The following INO80 variants were observed in gnomAD, a reference collection of about 807,000 sequenced individuals.
INO80 encodes chromatin-remodeling ATPase INO80.
Under a neutral mutation model 203.4 loss-of-function variants are expected in INO80, and 20 were observed. That is an observed-to-expected ratio of 0.10 (90% CI 0.07 to 0.14). The LOEUF (loss-of-function observed/expected upper bound fraction) is 0.14, where lower values mean the gene tolerates loss of function less well. INO80 is among the 10% of genes least tolerant of loss of function. The probability of loss-of-function intolerance (pLI) is 1.00; values close to 1 mark genes in which losing one functional copy is unlikely to be tolerated. For missense variants in INO80, 1,419 were observed against 1,914.4 expected (o/e 0.74, Z 4.83); for synonymous variants, 726 against 685.2 (o/e 1.06, Z -0.93).
chr15:41,035,807 G>A (rs554073274), intron 24 of INO80, among the ~76,000 whole-genome samples: 26 of 107,546 alleles, frequency 2.4e-4, no homozygotes, highest in Non-Finnish European at 3.9e-4. Flanking sequence ...GGGGGACAGA[G>A]TGAGACTCTG....
intron 14 of INO80, among the ~76,000 whole-genome samples, chr15:41,069,023 C>G (rs2045268916): frequency 6.6e-6 from 1 of 152,182 alleles, no homozygotes. Context: ...TCTACCGTGG[C>G]AGTTTGACCA....
At chr15:40,993,056 A>C (rs1340912599) in intron 29 of INO80, among the ~76,000 whole-genome samples, 2 of 152,172 alleles carry the variant, frequency 1.3e-5, no homozygotes, top group Admixed American at 1.3e-4. Flanking sequence ...CGGCCTCCCA[A>C]ACTGCAGGGA....
rs981784685 is a variant in INO80, at chr15:40,984,129, G to GT, written c.4077+67dup. The GT allele has an allele frequency of 4.6e-6, 7 of 1,529,024 alleles. No homozygotes were observed. The African/African-American group carries it at 6.9e-5, about 15-fold the overall frequency. The allele number at this position is 1,529,024 out of a possible 1,614,324, so 94.7% of individuals were successfully genotyped here. A position where few individuals can be genotyped will look rare whatever the true frequency, so the allele number is the denominator to read the frequency against. On this transcript the variant is annotated intron_variant, in intron 33 of 35. Transcript: ENST00000648947. ...CAGGAGAAGCAAAGACTGCCCAGCA[G>GT]TGTGTCCCTGCTACACGGTCAGGAC...
intron 1 of INO80, among the ~76,000 whole-genome samples, chr15:41,105,497 G>A (rs1187008303): frequency 2.0e-5 from 3 of 152,028 alleles, no homozygotes; most frequent in East Asian, 1.9e-4. Flanking sequence ...TAACTAACTC[G>A]CCCAAGATCA....
intron 9 of INO80, among the ~76,000 whole-genome samples, chr15:41,079,093 C>T (rs368177336): frequency 2.6e-5 from 4 of 152,122 alleles, no homozygotes; most frequent in African/African-American, 7.2e-5. Context: ...GCCGAGATTA[C>T]GCCACTGCAC....
At chr15:41,089,481 G>A (rs1468072580) in intron 5 of INO80, among the ~76,000 whole-genome samples, 5 of 152,130 alleles carry the variant, frequency 3.3e-5, no homozygotes, top group African/African-American at 1.2e-4. Context: ...GCTGGGCGGG[G>A]TGGCTCACCC....
intron 1 of INO80, 46 bp from the exon 2 acceptor site, chr15:41,096,399 C>T (rs1259449929): frequency 7.5e-7 from 1 of 1,328,068 alleles, no homozygotes; most frequent in Non-Finnish European, 1.0e-6. Flanking sequence ...ACTATCCATT[C>T]TCCCTTTCTC....
intron 24 of INO80, among the ~76,000 whole-genome samples, chr15:41,041,005 C>T (rs1250538381): frequency 6.6e-6 from 1 of 152,140 alleles, no homozygotes; most frequent in Admixed American, 6.6e-5. Context: ...AGAAATTTAA[C>T]TAAAGACATA....
intron 1 of INO80, among the ~76,000 whole-genome samples, chr15:41,098,092 C>T (rs1304407690): frequency 3.3e-5 from 5 of 152,150 alleles, no homozygotes; most frequent in Admixed American, 1.3e-4. Context: ...CCTTGTGATC[C>T]GCCTGTCTCA....
At chr15:41,015,908 G>A (rs967359004) in intron 27 of INO80, among the ~76,000 whole-genome samples, 180 bp downstream of exon 27, 1 of 148,298 alleles carries the variant, frequency 6.7e-6, no homozygotes, top group African/African-American at 2.5e-5. Flanking sequence ...TCGCATCACT[G>A]CACTCCAGCC....
At position 41,069,719 on chromosome 15, in the gene INO80, T is replaced by C. The variant is rs999075384; in HGVS notation, c.1687-54A>G. On this transcript the variant is annotated intron_variant, in intron 13 of 35. Coordinates refer to ENST00000648947, the MANE Select transcript of INO80 (RefSeq NM_017553.3). ...TACAGGAAAAGGGAAGGTATTTAAT[T>C]CAAAATTATAATTAATGACAAGAAC... The C allele has an allele frequency of 4.1e-6, 4 of 984,416 alleles. No homozygotes were observed. In the African/African-American group the frequency reaches 6.6e-5, roughly 16 times the overall value. 61.0% of individuals were successfully genotyped at this position (984,416 alleles called of 1,614,324 possible). A position where few individuals can be genotyped will look rare whatever the true frequency, so the allele number is the denominator to read the frequency against.
At chr15:40,983,270 T>C (rs1596230582) in intron 34 of INO80, 193 bp from the exon 35 acceptor site, 2 of 579,054 alleles carry the variant, frequency 3.5e-6, no homozygotes, top group East Asian at 5.8e-5. Context: ...TTCTAAACAA[T>C]GAAAACATCC....
At chr15:41,057,898 T>C (rs2045023564) in intron 16 of INO80, among the ~76,000 whole-genome samples, 1 of 151,306 alleles carries the variant, frequency 6.6e-6, no homozygotes, top group Non-Finnish European at 1.5e-5. Flanking sequence ...CTCTAATAAA[T>C]TTCTAACGAC....
intron 19 of INO80, among the ~76,000 whole-genome samples, chr15:41,052,181 A>C (rs530953132): frequency 6.6e-6 from 1 of 151,894 alleles, no homozygotes; most frequent in Admixed American, 6.6e-5. Flanking sequence ...TGTTTACATG[A>C]CCCTTTAAAT....
chr15:41,088,953 C>G (rs2045597752), intron 5 of INO80, among the ~76,000 whole-genome samples: 1 of 152,100 alleles, frequency 6.6e-6, no homozygotes, highest in South Asian at 2.1e-4. Flanking sequence ...CTTTGGAAGG[C>G]CAAGGTGGGC....
At chr15:41,071,320 T>C (rs1025440567) in intron 12 of INO80, among the ~76,000 whole-genome samples, 4 of 152,214 alleles carry the variant, frequency 2.6e-5, no homozygotes, top group African/African-American at 9.6e-5. Context: ...TATGTATACA[T>C]GTGCCATGTT....
intron 24 of INO80, among the ~76,000 whole-genome samples, chr15:41,032,324 A>G (rs1047609930): frequency 6.6e-6 from 1 of 152,228 alleles, no homozygotes; most frequent in African/African-American, 2.4e-5. Context: ...ATGAAACAGC[A>G]CAGTGTTGAT....
intron 15 of INO80, among the ~76,000 whole-genome samples, chr15:41,059,069 A>T (rs1051904554): frequency 3.3e-5 from 5 of 151,870 alleles, no homozygotes; most frequent in Admixed American, 1.3e-4. Flanking sequence ...CTCCTGCCTT[A>T]GTCTCCCAAA....
chr15:41,091,650 CTTTTTTTTTT>C (rs746421749), intron 5 of INO80, among the ~76,000 whole-genome samples: 1 of 88,272 alleles, frequency 1.1e-5, no homozygotes, highest in Non-Finnish European at 2.1e-5. Context: ...TGATGTATCT[CTTTTTTTTTT>C]TTTTTTTTTT....
Sources: allele counts gnomAD v4.1 joint callset (sites outside exome capture counted in the v4.1 genomes callset), GRCh38; gene constraint gnomAD v4.1.1; transcripts MANE v1.5; gene names NCBI Gene and HGNC (gene_info 2026-07-23, HGNC 2026-07-21).